MYH9: variants seen among roughly 807,000 people sequenced by gnomAD.
The protein encoded by MYH9 is myosin-9.
Under a neutral mutation model 241.9 loss-of-function variants are expected in MYH9, and 29 were observed. The ratio of observed to expected loss-of-function variants is 0.12; its 90% CI spans 0.09 to 0.16. The LOEUF (loss-of-function observed/expected upper bound fraction) is 0.16, where lower values mean the gene tolerates loss of function less well. Among genes scored for constraint, MYH9 ranks in the 10% least tolerant of loss-of-function variants. MYH9 has a pLI of 1.00. For synonymous variants in MYH9, 1,047 were observed against 1,062.6 expected (o/e 0.99, Z 0.29); for missense variants, 1,803 against 2,595.5 (o/e 0.69, Z 6.63).
intron 21 of MYH9, 100 bp downstream of exon 21, chr22:36,301,434 T>G (rs1440075488): frequency 1.3e-6 from 2 of 1,511,478 alleles, no homozygotes; most frequent in Non-Finnish European, 9.1e-7. Context: ...AAAACTCCTA[T>G]AGTAATAGAA....
At position 36,300,305 on chromosome 22, in the gene MYH9, A is replaced by C; in HGVS notation, c.2839-41T>G. 1 of 1,609,156 alleles carries C rather than the reference A, an allele frequency of 6.2e-7. No homozygotes were observed. The highest frequency in any genetic ancestry group is 8.5e-7 in the Non-Finnish European group (1 of 1,179,986). ...GACACGGTAAGGACAGCAGGCCCAG[A>C]GGCATGGCCAAGGTGAAGGCAGCAA... On this transcript the variant is annotated intron_variant, in intron 22 of 40. Transcript: ENST00000216181. The surrounding 1 kb of genome is among the most constrained non-coding windows in gnomAD (Gnocchi z 5.0).
At chr22:36,317,960 A>G (rs2017185330) in intron 11 of MYH9, among the ~76,000 whole-genome samples, 1 of 152,272 alleles carries the variant, frequency 6.6e-6, no homozygotes, top group Non-Finnish European at 1.5e-5. Flanking sequence ...CTCAATGTAA[A>G]GAGGCACAAT....
At position 36,301,471 on chromosome 22, in the gene MYH9, G is replaced by T; in HGVS notation, c.2631+63C>A. The T allele has an allele frequency of 3.7e-6, 6 of 1,605,188 alleles. No individual in the cohort carries two copies. In the African/African-American group the frequency reaches 8.0e-5, roughly 21 times the overall value. ...CTTCCAGCATGCCGTGCCTACCGAT[G>T]GCCAGCAGGTGGCAGCACCAGGCAG... is the stretch of plus-strand genomic sequence containing the variant. On this transcript the variant is annotated intron_variant, in intron 21 of 40. Transcript: ENST00000216181.
At chr22:36,348,789 C>G in intron 2 of MYH9, 115 bp downstream of exon 2, 1 of 1,018,574 alleles carries the variant, frequency 9.8e-7, no homozygotes, top group Non-Finnish European at 1.5e-6. Flanking sequence ...TTCAAGCCCC[C>G]TTCTCAACCA....
In MYH9 at chr22:36,285,647, C is replaced by CT; in HGVS notation, c.5274+10dup. The CT allele has an allele frequency of 9.9e-6, 16 of 1,611,980 alleles. No homozygotes were observed. The highest frequency in any genetic ancestry group is 1.4e-5 in the Non-Finnish European group (16 of 1,180,012). ...GCCAGAGCCCAGAGTGGGAGAAGTC[C>CT]TGGCACCCACCTGCAGGTTGGCCTT... On this transcript the variant is annotated intron_variant, in intron 37 of 40. Coordinates refer to ENST00000216181, the MANE Select transcript of MYH9 (RefSeq NM_002473.6). The surrounding 1 kb of genome is among the most constrained non-coding windows in gnomAD (Gnocchi z 7.0).
chr22:36,354,956 A>AAAACAAAACACAC (rs1556643801), intron 1 of MYH9, among the ~76,000 whole-genome samples: 1 of 123,638 alleles, frequency 8.1e-6, no homozygotes, highest in African/African-American at 3.1e-5. Context: ...CAAAAAACAA[A>AAAACAAAACACAC]ACACACACAC....
chr22:36,302,943 G>A (rs1030372961), intron 19 of MYH9, among the ~76,000 whole-genome samples: 10 of 152,186 alleles, frequency 6.6e-5, no homozygotes, highest in Non-Finnish European at 1.5e-4. Context: ...GGGGGTGAAG[G>A]CACGTGTGAA....
Position 36,295,167 on chromosome 22 carries a change from C to T in MYH9, c.3486-91G>A, listed in dbSNP as rs1167705691. On this transcript the variant is annotated intron_variant, in intron 26 of 40. Coordinates refer to ENST00000216181, the MANE Select transcript of MYH9 (RefSeq NM_002473.6). This position sits in a 1 kb window ranked among gnomAD's most constrained non-coding sequence, Gnocchi z 4.1. Reference sequence around the variant, plus strand: ...TTCCCTGACCAAAGAGAGGCCTGGCCAGGGCACAGGCACTCCAGGCAGCTT... The same window carrying T: ...TTCCCTGACCAAAGAGAGGCCTGGCTAGGGCACAGGCACTCCAGGCAGCTT... 4 of 1,565,740 alleles carry T rather than the reference C, an allele frequency of 2.6e-6. No homozygotes were observed. The Admixed American group carries it at 5.0e-5, about 20-fold the overall frequency.
rs776320326 is a variant in MYH9 at position 36,294,109 on chromosome 22, T to C, written c.3820A>G (p.Lys1274Glu). 4.3e-6 allele frequency: 7 copies of C among 1,609,724 alleles called. No individual in the cohort carries two copies. The South Asian group carries it at 7.7e-5, about 18-fold the overall frequency. ...GGCCTCACCTGCAGCTTGGTGACCTTGTCGGCCAGCTCTGTGCGCACGCGC... is the reference window on the plus strand; with the variant it reads ...GGCCTCACCTGCAGCTTGGTGACCTCGTCGGCCAGCTCTGTGCGCACGCGC... ...GERVRTELAD[K>E]VTKLQVELDN... The change falls in exon 28 of 41, where the codon AAG (lysine) becomes GAG (glutamate). Residue 1274 changes from lysine (K) to glutamate (E), a missense_variant. Lys to Glu is a moderately conservative substitution (Grantham distance 56). Transcript: ENST00000216181.
intron 23 of MYH9, among the ~76,000 whole-genome samples, chr22:36,299,509 A>G (rs1225361113): frequency 6.6e-6 from 1 of 151,166 alleles, no homozygotes. Context: ...CCCCTGCAAC[A>G]CCCCTGCCCA....
intron 1 of MYH9, among the ~76,000 whole-genome samples, chr22:36,355,622 A>T (rs2017843025): frequency 6.6e-6 from 1 of 152,184 alleles, no homozygotes; most frequent in South Asian, 2.1e-4. Flanking sequence ...GCATAGACCA[A>T]GGACCTGCTA....
intron 1 of MYH9, among the ~76,000 whole-genome samples, chr22:36,386,461 CCAGA>C (rs1274777917): frequency 2.0e-5 from 3 of 152,194 alleles, no homozygotes; most frequent in African/African-American, 2.4e-5. Context: ...AAACACTGGC[CCAGA>C]CAGTGTAGTT....
At chr22:36,381,136 T>G (rs2018249327) in intron 1 of MYH9, among the ~76,000 whole-genome samples, 1 of 152,152 alleles carries the variant, frequency 6.6e-6, no homozygotes, top group Non-Finnish European at 1.5e-5. Flanking sequence ...CAATGCACTT[T>G]AAAGTTGAGA....
chr22:36,351,805 C>T (rs1388226166), intron 1 of MYH9, among the ~76,000 whole-genome samples: 1 of 152,030 alleles, frequency 6.6e-6, no homozygotes, highest in African/African-American at 2.4e-5. Flanking sequence ...AACCCCATGC[C>T]CCCAAACCCT....
At chr22:36,289,008 T>A in intron 32 of MYH9, 69 bp from the exon 33 acceptor site, 1 of 1,612,178 alleles carries the variant, frequency 6.2e-7, no homozygotes, top group Non-Finnish European at 8.5e-7. Context: ...CGACCCGGAG[T>A]CTGTGCACAC....
chr22:36,374,777 G>A (rs927805687), intron 1 of MYH9, among the ~76,000 whole-genome samples: 1 of 152,196 alleles, frequency 6.6e-6, no homozygotes, highest in Non-Finnish European at 1.5e-5. Context: ...CAGAGGCTGG[G>A]TCGTGGCCTA....
chr22:36,367,341 A>T (rs954424229), intron 1 of MYH9, among the ~76,000 whole-genome samples: 1 of 151,978 alleles, frequency 6.6e-6, no homozygotes, highest in Non-Finnish European at 1.5e-5. Flanking sequence ...GAAGCCCAAA[A>T]CTGAAGGGTG....
intron 5 of MYH9, among the ~76,000 whole-genome samples, chr22:36,325,959 C>G (rs997731318): frequency 6.6e-6 from 1 of 152,186 alleles, no homozygotes; most frequent in African/African-American, 2.4e-5. Context: ...ATACAGAATT[C>G]AAGGGCACAC....
chr22:36,346,538 G>A (rs1379435498), intron 2 of MYH9, among the ~76,000 whole-genome samples: 2 of 152,186 alleles, frequency 1.3e-5, no homozygotes, highest in Admixed American at 6.5e-5. Context: ...ATGTGACCAT[G>A]AGCAAAATCC....
Sources: allele counts gnomAD v4.1 joint callset (sites outside exome capture counted in the v4.1 genomes callset), GRCh38; gene constraint gnomAD v4.1.1; non-coding constraint Gnocchi (gnomAD v3.1); transcripts MANE v1.5; gene names NCBI Gene and HGNC (gene_info 2026-07-23, HGNC 2026-07-21).